The following CDH18 variants were observed in gnomAD, a reference collection of about 807,000 sequenced individuals.
The protein encoded by CDH18 is cadherin 18.
Under a neutral mutation model 67.9 loss-of-function variants are expected in CDH18, and 31 were observed. The ratio of observed to expected loss-of-function variants is 0.46; its 90% CI spans 0.34 to 0.62. The LOEUF (loss-of-function observed/expected upper bound fraction) is 0.62. Among genes scored for constraint, CDH18 ranks in the 20% least tolerant of loss-of-function variants. CDH18 has a pLI of 0.01. For synonymous variants in CDH18, 362 were observed against 347.2 expected, an observed-to-expected ratio of 1.04 and a Z score of -0.48; for missense variants, 890 against 975.5, an observed-to-expected ratio of 0.91 and a Z score of 1.17.
At chr5:20,462,219 A>G (rs1426351820) in intron 1 of CDH18, among the ~76,000 whole-genome samples, 2 of 152,202 alleles carry the variant, frequency 1.3e-5, no homozygotes, top group African/African-American at 4.8e-5. Context: ...TGCAACAAGG[A>G]TGGAGCCAGA....
intron 1 of CDH18, among the ~76,000 whole-genome samples, chr5:20,471,775 A>C (rs1250341672): frequency 7.7e-6 from 1 of 130,198 alleles, no homozygotes; most frequent in Non-Finnish European, 1.6e-5. Flanking sequence ...GCACTCCAGC[A>C]CTCCAGCCTG....
intron 2 of CDH18, among the ~76,000 whole-genome samples, chr5:20,000,057 T>C (rs1051894816): frequency 1.3e-5 from 2 of 152,060 alleles, no homozygotes; most frequent in African/African-American, 4.8e-5. Context: ...ATCATGGCAG[T>C]GAGACCAAAC....
chr5:20,239,310 T>C (rs971841115), intron 2 of CDH18, among the ~76,000 whole-genome samples: 2 of 151,684 alleles, frequency 1.3e-5, no homozygotes, highest in Admixed American at 6.6e-5. Context: ...AAAAAAACTA[T>C]CTGGGCGTGG....
At chr5:19,859,989 G>GTGTGT (rs1784707651) in intron 2 of CDH18, among the ~76,000 whole-genome samples, 3 of 143,246 alleles carry the variant, frequency 2.1e-5, no homozygotes, top group South Asian at 4.6e-4. Flanking sequence ...GTTTGCTTTG[G>GTGTGT]GTGTGTGTGT....
chr5:20,116,457 A>G (rs1747919124), intron 2 of CDH18, among the ~76,000 whole-genome samples: 1 of 152,036 alleles, frequency 6.6e-6, no homozygotes, highest in African/African-American at 2.4e-5. Context: ...TGGAGGTTAC[A>G]GTGAGCTGAG....
At chr5:19,745,069 T>C (rs1407432418) in intron 4 of CDH18, among the ~76,000 whole-genome samples, 1 of 152,188 alleles carries the variant, frequency 6.6e-6, no homozygotes, top group African/African-American at 2.4e-5. Context: ...GTCTAATGAA[T>C]ATGTTCTCTA....
At chr5:20,013,462 C>T (rs1271230557) in intron 2 of CDH18, among the ~76,000 whole-genome samples, 2 of 151,976 alleles carry the variant, frequency 1.3e-5, no homozygotes, top group East Asian at 3.9e-4. Flanking sequence ...TGATGACTAA[C>T]CAGCTTAGAA....
chr5:19,868,197 T>G (rs1013676249), intron 2 of CDH18, among the ~76,000 whole-genome samples: 3 of 152,216 alleles, frequency 2.0e-5, no homozygotes, highest in African/African-American at 7.2e-5. Context: ...AATATTAGTA[T>G]GTGTTAGAGG....
At chr5:19,974,738 T>C (rs1798347630) in intron 2 of CDH18, among the ~76,000 whole-genome samples, 1 of 152,056 alleles carries the variant, frequency 6.6e-6, no homozygotes. Flanking sequence ...CTAGTTCATA[T>C]AGATTGGTGG....
chr5:19,624,835 T>C (rs1226663003), intron 5 of CDH18, among the ~76,000 whole-genome samples: 1 of 152,306 alleles, frequency 6.6e-6, no homozygotes, highest in African/African-American at 2.4e-5. Flanking sequence ...TAAGGTTGCA[T>C]GCTACACTGA....
chr5:19,956,335 C>T (rs190444340), intron 2 of CDH18, among the ~76,000 whole-genome samples: 209 of 151,934 alleles, frequency 1.4e-3, no homozygotes, highest in African/African-American at 4.7e-3. Context: ...TTTGATCTGT[C>T]CACTCTCTAA....
chr5:20,470,979 T>G (rs902627538), intron 1 of CDH18, among the ~76,000 whole-genome samples: 6 of 152,194 alleles, frequency 3.9e-5, no homozygotes, highest in Admixed American at 1.3e-4. Context: ...GATGCTCCTC[T>G]TCTTTTCAGC....
intron 1 of CDH18, among the ~76,000 whole-genome samples, chr5:20,525,995 A>C (rs900523838): frequency 6.6e-6 from 1 of 152,176 alleles, no homozygotes; most frequent in African/African-American, 2.4e-5. Context: ...AATATTGGCC[A>C]GTTAAGAATG....
chr5:20,560,468 T>TACATACACACAC (rs1554019493), intron 1 of CDH18, among the ~76,000 whole-genome samples: 1 of 127,606 alleles, frequency 7.8e-6, no homozygotes, highest in East Asian at 2.6e-4. Flanking sequence ...CCAACACTCA[T>TACATACACACAC]ACACACACAC....
At chr5:19,892,361 C>T (rs1788862350) in intron 2 of CDH18, among the ~76,000 whole-genome samples, 1 of 151,984 alleles carries the variant, frequency 6.6e-6, no homozygotes, top group Non-Finnish European at 1.5e-5. Context: ...TAAGGAAATT[C>T]AATTTTACTT....
intron 2 of CDH18, among the ~76,000 whole-genome samples, chr5:19,968,265 C>T (rs1459013084): frequency 6.9e-6 from 1 of 144,860 alleles, no homozygotes; most frequent in East Asian, 1.9e-4. Context: ...GGCCATACTG[C>T]CCAAGGTAAT....
At chr5:20,329,012 G>A (rs529112650) in intron 1 of CDH18, among the ~76,000 whole-genome samples, 9 of 152,246 alleles carry the variant, frequency 5.9e-5, no homozygotes, top group South Asian at 4.1e-4. Context: ...CCAATTTTGC[G>A]ACTATTAAAA....
chr5:19,616,442 T>G (rs1223122326), intron 5 of CDH18, among the ~76,000 whole-genome samples: 1 of 152,158 alleles, frequency 6.6e-6, no homozygotes, highest in South Asian at 2.1e-4. Context: ...TGCAATGATT[T>G]TCTCAGGAAA....
At chr5:19,680,838 G>A (rs1355438956) in intron 5 of CDH18, among the ~76,000 whole-genome samples, 1 of 151,950 alleles carries the variant, frequency 6.6e-6, no homozygotes, top group African/African-American at 2.4e-5. Context: ...TTTGGCCATT[G>A]CGGAAAGCAA....
Sources: gnomAD v4.1 joint callset for allele counts (sites outside exome capture counted in the v4.1 genomes callset) on GRCh38, gnomAD v4.1.1 for gene constraint, MANE v1.5 for transcripts, NCBI Gene and HGNC (gene_info 2026-07-23, HGNC 2026-07-21) for gene names.